DYNC2H1: variants seen among roughly 807,000 people sequenced by gnomAD.
DYNC2H1 encodes the protein dynein cytoplasmic 2 heavy chain 1.
In DYNC2H1, 410 loss-of-function variants were observed where a neutral mutation model predicts 570.0. That is an observed-to-expected ratio of 0.72 (90% CI 0.66 to 0.78). The LOEUF (loss-of-function observed/expected upper bound fraction) is 0.78. Ranked by LOEUF, DYNC2H1 falls within the 30% of genes least tolerant of loss-of-function variation. The pLI is 0.00. For missense variants in DYNC2H1, 4,865 were observed against 5,046.4 expected (o/e 0.96, Z 1.09); for synonymous variants, 1,688 against 1,677.6 (o/e 1.01, Z -0.15).
In DYNC2H1 at chr11:103,205,305, A is replaced by G. The variant is rs1013791972; in HGVS notation, c.8454+341A>G. 2.0e-5 allele frequency among the ~76,000 whole-genome samples: 3 copies of G among 152,220 alleles called. No individual in the cohort carries two copies. Among genetic ancestry groups the G allele is most frequent in the Admixed American group, 6.5e-5 (1 of 15,290 alleles). ...AAGAATTTTTAAATCCTTAAAAAAT[A>G]TCATCACTATGCTGTGTGTTTGGAG... is the stretch of plus-strand genomic sequence containing the variant. On this transcript the variant is annotated intron_variant, in intron 52 of 88. Coordinates refer to ENST00000375735, the MANE Select transcript of DYNC2H1 (RefSeq NM_001377.3). The surrounding 1 kb of genome is among the most constrained non-coding windows in gnomAD (Gnocchi z 4.5).
At chr11:103,221,884 A>G in intron 57 of DYNC2H1, 146 bp from the exon 58 acceptor site, 1 of 733,704 alleles carries the variant, frequency 1.4e-6, no homozygotes, top group South Asian at 2.3e-5. Flanking sequence ...TAAGGATAAT[A>G]CATTAGAAGC....
At chr11:103,269,534 C>T (rs941040672) in intron 70 of DYNC2H1, among the ~76,000 whole-genome samples, 1 of 152,144 alleles carries the variant, frequency 6.6e-6, no homozygotes, top group African/African-American at 2.4e-5. Context: ...ATATTCACAT[C>T]ACATTGAACT....
intron 78 of DYNC2H1, 56 bp downstream of exon 78, chr11:103,307,887 G>T: frequency 9.7e-7 from 1 of 1,028,118 alleles, no homozygotes; most frequent in South Asian, 1.6e-5. Context: ...CTCTATACAT[G>T]ACTTCTAAAA....
intron 81 of DYNC2H1, among the ~76,000 whole-genome samples, chr11:103,322,194 C>A (rs1938242671): frequency 6.6e-6 from 1 of 151,988 alleles, no homozygotes; most frequent in African/African-American, 2.4e-5. Context: ...TAGTAATGCA[C>A]CTGTGGAGTT....
intron 70 of DYNC2H1, among the ~76,000 whole-genome samples, chr11:103,270,204 A>T (rs201287749): frequency 0.18 from 27,219 of 149,594 alleles, 2,714 homozygotes; most frequent in East Asian, 0.34. Context: ...AAAAAAAAAA[A>T]AAAAATAATA....
rs765737730 is a variant in DYNC2H1 at position 103,154,575 on chromosome 11, G to A, written c.3427G>A (p.Glu1143Lys). 7.5e-6 allele frequency: 12 copies of A among 1,602,700 alleles called. No homozygotes were observed. In the South Asian group the frequency reaches 1.2e-4, roughly 17 times the overall value. ...TGAAGAGTTTCAACAAGGATTTCAG[G>A]AAATGGCCAATGAAGACTGGATCAC... ...FYEEFQQGFQ[E>K]MANEDWITFR... Residue 1143 changes from glutamate to lysine, a missense_variant, in exon 23 of 89, where the codon GAA (glutamate) becomes AAA (lysine). Coordinates refer to ENST00000375735, the MANE Select transcript of DYNC2H1 (RefSeq NM_001377.3).
chr11:103,258,766 G>A (rs951741309), intron 69 of DYNC2H1, among the ~76,000 whole-genome samples: 1 of 152,142 alleles, frequency 6.6e-6, no homozygotes, highest in Non-Finnish European at 1.5e-5. Flanking sequence ...CTGCTGTATT[G>A]TACTGGCTGA....
intron 83 of DYNC2H1, among the ~76,000 whole-genome samples, chr11:103,362,115 C>G (rs1174161282): frequency 1.3e-5 from 2 of 151,770 alleles, no homozygotes. Flanking sequence ...GATACAGGGC[C>G]CATTGTGTTT....
chr11:103,362,556 A>C (rs2135535865), intron 83 of DYNC2H1, among the ~76,000 whole-genome samples: 1 of 152,218 alleles, frequency 6.6e-6, no homozygotes, highest in South Asian at 2.1e-4. Context: ...CTGTTGATAT[A>C]ATCCCAGATA....
At chr11:103,183,832 A>C in intron 40 of DYNC2H1, among the ~76,000 whole-genome samples, 1 of 151,768 alleles carries the variant, frequency 6.6e-6, no homozygotes. Context: ...CAAAAATATT[A>C]ATTTTTTTAA....
chr11:103,369,626 G>A lies in DYNC2H1; in HGVS notation c.12156+11267G>A, dbSNP rs1434171671. 2.6e-5 allele frequency among the ~76,000 whole-genome samples: 4 copies of A among 152,142 alleles called. No homozygotes were observed. The highest frequency in any genetic ancestry group is 5.9e-5 in the Non-Finnish European group (4 of 68,020). On this transcript the variant is annotated intron_variant, in intron 83 of 88. Coordinates refer to ENST00000375735, the MANE Select transcript of DYNC2H1 (RefSeq NM_001377.3). The surrounding 1 kb of genome is among the most constrained non-coding windows in gnomAD (Gnocchi z 4.0). ...GTCTTGCATCTTGGATACCAGCTCAGCCACAACAGGATAGGGAACCAGTCA... is the reference window on the plus strand; with the variant it reads ...GTCTTGCATCTTGGATACCAGCTCAACCACAACAGGATAGGGAACCAGTCA...
At position 103,177,411 on chromosome 11, in the gene DYNC2H1, T is replaced by C. The variant is rs1312420783; in HGVS notation, c.5875-145T>C. 1.6e-6 allele frequency: 1 copy of C among 636,624 alleles called. No individual in the cohort carries two copies. The highest frequency in any genetic ancestry group is 1.9e-5 in the African/African-American group (1 of 51,492). 39.4% of individuals were successfully genotyped at this position (636,624 alleles called of 1,614,324 possible). A position where few individuals can be genotyped will look rare whatever the true frequency, so the allele number is the denominator to read the frequency against. On this transcript the variant is annotated intron_variant, in intron 37 of 88. Coordinates refer to ENST00000375735, the MANE Select transcript of DYNC2H1 (RefSeq NM_001377.3). This position sits in a 1 kb window ranked among gnomAD's most constrained non-coding sequence, Gnocchi z 4.4. Reference sequence around the variant, plus strand: ...GTAAATATGTTCAGATTTATTTAGGTAGTCTATTACATTTTAGGCAATACC... The same window carrying C: ...GTAAATATGTTCAGATTTATTTAGGCAGTCTATTACATTTTAGGCAATACC...
At chr11:103,154,342 A>AGT in intron 22 of DYNC2H1, 109 bp from the exon 23 acceptor site, 3 of 833,968 alleles carry the variant, frequency 3.6e-6, no homozygotes, top group Non-Finnish European at 5.3e-6. Context: ...AACATACACA[A>AGT]GTGTGTGTGT....
At chr11:103,300,981 A>G (rs553046043) in intron 75 of DYNC2H1, among the ~76,000 whole-genome samples, 15 of 151,908 alleles carry the variant, frequency 9.9e-5, no homozygotes, top group Non-Finnish European at 1.9e-4. Context: ...CAGGAGTATC[A>G]GAAAATGCAT....
rs148600033 is a variant in DYNC2H1, at chr11:103,192,619, G to A, written c.7708+355G>A. Among the ~76,000 whole-genome samples the A allele has an allele frequency of 1.1e-3, 160 of 152,260 alleles. 1 individual carries two copies. In the East Asian group the frequency reaches 0.029, roughly 28 times the overall value. On this transcript the variant is annotated intron_variant, in intron 47 of 88. Transcript: ENST00000375735. ...GATTGTCATGACCTTTTGCCTAAGA[G>A]CAATGGCTATTCTTATTCCTGTCAC...
chr11:103,393,530 T>G (rs904921989), intron 83 of DYNC2H1, among the ~76,000 whole-genome samples: 1 of 152,240 alleles, frequency 6.6e-6, no homozygotes, highest in African/African-American at 2.4e-5. Context: ...CCTTGAAAGT[T>G]TCATAGTTTT....
chr11:103,331,558 T>C (rs1334455449), intron 82 of DYNC2H1, among the ~76,000 whole-genome samples: 1 of 152,186 alleles, frequency 6.6e-6, no homozygotes, highest in East Asian at 1.9e-4. Flanking sequence ...GAAAGAAAGT[T>C]ATATGCATTT....
At chr11:103,476,932 G>A (rs1204991089) in intron 88 of DYNC2H1, among the ~76,000 whole-genome samples, 3 of 152,154 alleles carry the variant, frequency 2.0e-5, no homozygotes, top group Non-Finnish European at 2.9e-5. Flanking sequence ...TTTTCTAGTC[G>A]ATTTGAGAAT....
chr11:103,224,389 T>C (rs985424966), intron 59 of DYNC2H1, among the ~76,000 whole-genome samples: 1 of 126,552 alleles, frequency 7.9e-6, no homozygotes, highest in Non-Finnish European at 1.6e-5. Context: ...TGTGTAGTCT[T>C]TTATCTCTTG....
Sources: allele counts gnomAD v4.1 joint callset (sites outside exome capture counted in the v4.1 genomes callset), GRCh38; gene constraint gnomAD v4.1.1; non-coding constraint Gnocchi (gnomAD v3.1); transcripts MANE v1.5; gene names NCBI Gene and HGNC (gene_info 2026-07-23, HGNC 2026-07-21).